The following TRHR variants were observed in gnomAD, a reference collection of about 807,000 sequenced individuals.
The protein encoded by TRHR is thyrotropin releasing hormone receptor, also known as thyrotropin-releasing hormone receptor.
A neutral mutation model predicts 28.0 loss-of-function variants in TRHR; 14 were observed. The ratio of observed to expected loss-of-function variants is 0.50; its 90% confidence interval spans 0.33 to 0.78. The LOEUF is 0.78. TRHR is among the 30% of genes least tolerant of loss of function. The probability of loss-of-function intolerance (pLI) is 0.02; values close to 1 mark genes in which losing one functional copy is unlikely to be tolerated. For synonymous variants in TRHR, 176 were observed against 171.9 expected (o/e 1.02, Z -0.18); for missense variants, 438 against 469.5 (o/e 0.93, Z 0.62).
intron 2 of TRHR, among the ~76,000 whole-genome samples, chr8:109,105,089 A>G (rs1811729532): frequency 6.6e-6 from 1 of 152,126 alleles, no homozygotes; most frequent in Admixed American, 6.5e-5. Flanking sequence ...CTGAGCTGTT[A>G]TATGTGCCAG....
At chr8:109,104,473 T>C (rs1198424682) in intron 2 of TRHR, among the ~76,000 whole-genome samples, 1 of 152,034 alleles carries the variant, frequency 6.6e-6, no homozygotes, top group Non-Finnish European at 1.5e-5. Flanking sequence ...TTGGAACGAG[T>C]AGTGATTTCC....
intron 2 of TRHR, among the ~76,000 whole-genome samples, chr8:109,118,740 G>A (rs1811956500): frequency 6.6e-6 from 1 of 151,840 alleles, no homozygotes; most frequent in South Asian, 2.1e-4. Context: ...ATGGACGCTG[G>A]CATTCATTCT....
At chr8:109,096,221 G>A (rs768437347) in intron 2 of TRHR, among the ~76,000 whole-genome samples, 10 of 152,166 alleles carry the variant, frequency 6.6e-5, no homozygotes, top group Non-Finnish European at 1.0e-4. Context: ...AACATGCTGC[G>A]TTCCCTAAGC....
chr8:109,087,105 T>C (rs769426799), intron 1 of TRHR, among the ~76,000 whole-genome samples: 34 of 152,332 alleles, frequency 2.2e-4, no homozygotes, highest in Non-Finnish European at 3.7e-4. Context: ...AGAGGTGTAT[T>C]CATATTTATT....
At chr8:109,112,266 T>C (rs1811845849) in intron 2 of TRHR, among the ~76,000 whole-genome samples, 2 of 152,106 alleles carry the variant, frequency 1.3e-5, no homozygotes, top group Non-Finnish European at 2.9e-5. Context: ...ATATATAGAA[T>C]CAAAATTCAG....
At chr8:109,111,824 G>C (rs1436288727) in intron 2 of TRHR, among the ~76,000 whole-genome samples, 1 of 152,120 alleles carries the variant, frequency 6.6e-6, no homozygotes, top group Non-Finnish European at 1.5e-5. Context: ...AAGGGTTTTG[G>C]CATTATACAA....
chr8:109,094,104 A>C (rs987405842), intron 2 of TRHR, among the ~76,000 whole-genome samples: 11 of 152,182 alleles, frequency 7.2e-5, no homozygotes, highest in African/African-American at 2.7e-4. Context: ...TTTACTCAAC[A>C]GACTCATTCT....
chr8:109,117,389 G>A (rs1237896506), intron 2 of TRHR, among the ~76,000 whole-genome samples: 1 of 151,760 alleles, frequency 6.6e-6, no homozygotes, highest in Non-Finnish European at 1.5e-5. Context: ...GCTTACTCAT[G>A]GAATTACTAT....
At chr8:109,089,453 C>A (rs1435122115) in intron 2 of TRHR, among the ~76,000 whole-genome samples, 1 of 151,682 alleles carries the variant, frequency 6.6e-6, no homozygotes, top group African/African-American at 2.4e-5. Flanking sequence ...CTGGACACAG[C>A]AAAATAAACT....
intron 2 of TRHR, among the ~76,000 whole-genome samples, chr8:109,092,076 A>G (rs763481485): frequency 3.0e-4 from 45 of 152,242 alleles, no homozygotes; most frequent in Non-Finnish European, 5.6e-4. Flanking sequence ...GTAAAATGTA[A>G]TATCAATAAA....
Position 109,087,588 on chromosome 8 carries a change from G to A in TRHR, c.76G>A (p.Val26Met). The A allele has an allele frequency of 1.9e-6, 3 of 1,614,160 alleles. No individual in the cohort carries two copies. The highest frequency in any genetic ancestry group is 2.2e-5 in the South Asian group (2 of 91,082). Residue 26 changes from valine (V) to methionine (M), a missense_variant, in exon 2 of 3, where the codon GTG becomes ATG. By Grantham distance (21) the Val-to-Met change is conservative. Transcript: ENST00000518632. ...AGCAGTGGTGGCCTTAGAATACCAGGTGGTCACCATCTTACTTGTACTCAT... is the reference window on the plus strand; with the variant it reads ...AGCAGTGGTGGCCTTAGAATACCAGATGGTCACCATCTTACTTGTACTCAT... ...PRAVVALEYQ[V>M]VTILLVLIIC...
intron 2 of TRHR, among the ~76,000 whole-genome samples, chr8:109,090,592 T>C (rs1811503113): frequency 6.6e-6 from 1 of 152,172 alleles, no homozygotes; most frequent in South Asian, 2.1e-4. Context: ...GTAGTGTGTC[T>C]TGTAATTCAA....
intron 2 of TRHR, among the ~76,000 whole-genome samples, chr8:109,101,113 G>A (rs1263205673): frequency 6.6e-6 from 1 of 152,186 alleles, no homozygotes; most frequent in Non-Finnish European, 1.5e-5. Flanking sequence ...GTTTGGGGAA[G>A]ACCACTCTGT....
intron 2 of TRHR, among the ~76,000 whole-genome samples, chr8:109,107,409 T>C (rs1348502501): frequency 6.6e-6 from 1 of 152,202 alleles, no homozygotes; most frequent in Admixed American, 6.6e-5. Flanking sequence ...AAGGCTGAAA[T>C]GTCTTATCCA....
chr8:109,096,057 C>T (rs530305753), intron 2 of TRHR, among the ~76,000 whole-genome samples: 4 of 152,246 alleles, frequency 2.6e-5, no homozygotes, highest in African/African-American at 7.2e-5. Context: ...ATACTATTTG[C>T]ATAATTTTTA....
At chr8:109,091,927 G>A (rs1811522637) in intron 2 of TRHR, among the ~76,000 whole-genome samples, 4 of 152,092 alleles carry the variant, frequency 2.6e-5, no homozygotes, top group Admixed American at 2.6e-4. Flanking sequence ...TCTACACAAT[G>A]CCTCAAGAGT....
At chr8:109,108,146 C>T (rs1158217569) in intron 2 of TRHR, among the ~76,000 whole-genome samples, 1 of 152,116 alleles carries the variant, frequency 6.6e-6, no homozygotes, top group Non-Finnish European at 1.5e-5. Flanking sequence ...CCAGGTGCTC[C>T]CAGCTCTACG....
chr8:109,106,416 A>G (rs1811752816), intron 2 of TRHR, among the ~76,000 whole-genome samples: 1 of 152,166 alleles, frequency 6.6e-6, no homozygotes, highest in African/African-American at 2.4e-5. Flanking sequence ...CAGTAATAGG[A>G]AATAAACTTA....
chr8:109,103,211 C>T (rs887220348), intron 2 of TRHR, among the ~76,000 whole-genome samples: 1 of 152,174 alleles, frequency 6.6e-6, no homozygotes, highest in African/African-American at 2.4e-5. Context: ...ACATCTTAAA[C>T]CAGGTCTTTC....
Sources: gnomAD v4.1 joint callset for allele counts (sites outside exome capture counted in the v4.1 genomes callset) on GRCh38, gnomAD v4.1.1 for gene constraint, MANE v1.5 for transcripts, NCBI Gene and HGNC (gene_info 2026-07-23, HGNC 2026-07-21) for gene names.